GLMN: variants seen among roughly 807,000 people sequenced by gnomAD.
GLMN encodes glomulin.
Under a neutral mutation model 87.8 loss-of-function variants are expected in GLMN, and 75 were observed. The observed-to-expected ratio is 0.85, with a 90% confidence interval of 0.71 to 1.04. The LOEUF (loss-of-function observed/expected upper bound fraction) is 1.04. Among genes scored for constraint, GLMN ranks in the 50% least tolerant of loss-of-function variants. The probability of loss-of-function intolerance (pLI) is 0.00; values close to 1 mark genes in which losing one functional copy is unlikely to be tolerated. For synonymous variants in GLMN, 206 were observed against 221.6 expected (o/e 0.93, Z 0.63); for missense variants, 588 against 658.8 (o/e 0.89, Z 1.18).
At chr1:92,315,589 C>T in the GLMN span, among the ~76,000 whole-genome samples, 1 of 152,172 alleles carries the variant, frequency 6.6e-6, no homozygotes, top group Non-Finnish European at 1.5e-5. Context: ...TTTTATAATA[C>T]CAAAACCAAA....
intron 16 of GLMN, 43 bp from the exon 17 acceptor site, chr1:92,248,032 T>G: frequency 2.4e-6 from 2 of 825,484 alleles, no homozygotes; most frequent in Non-Finnish European, 2.1e-6. Context: ...CAACAATGAT[T>G]GATTGCCTAC....
upstream of GLMN, among the ~76,000 whole-genome samples, chr1:92,303,347 T>G (rs1189948255): frequency 6.6e-6 from 1 of 152,188 alleles, no homozygotes; most frequent in Non-Finnish European, 1.5e-5. Context: ...TATTTCTGTC[T>G]CTGTGAAAAC....
chr1:92,320,565 C>T, the GLMN span: 45 of 1,602,548 alleles, frequency 2.8e-5, no homozygotes, highest in African/African-American at 4.0e-4. Flanking sequence ...CCACCGCACC[C>T]GGCCTAATTT....
chr1:92,333,314 A>T, the GLMN span: 1 of 1,151,798 alleles, frequency 8.7e-7, no homozygotes, highest in Non-Finnish European at 1.3e-6. Context: ...TTGTGTTTTA[A>T]TGTTTATTGT....
the GLMN span, among the ~76,000 whole-genome samples, chr1:92,318,149 C>CT: frequency 1.9e-3 from 282 of 152,296 alleles, no homozygotes; most frequent in African/African-American, 6.4e-3. Context: ...ATTGTAGATT[C>CT]TTTCTCCCTT....
intron 16 of GLMN, among the ~76,000 whole-genome samples, chr1:92,259,426 A>G (rs1485383077): frequency 6.6e-6 from 1 of 152,152 alleles, no homozygotes; most frequent in East Asian, 1.9e-4. Flanking sequence ...AGAGGCATGA[A>G]ATAGTAGGGT....
the GLMN span, among the ~76,000 whole-genome samples, chr1:92,336,021 T>G: frequency 6.6e-6 from 1 of 152,214 alleles, no homozygotes; most frequent in African/African-American, 2.4e-5. Flanking sequence ...TGGACCATTT[T>G]GGGGGCAGTT....
At chr1:92,268,405 A>G (rs1414378190) in intron 9 of GLMN, among the ~76,000 whole-genome samples, 1 of 152,254 alleles carries the variant, frequency 6.6e-6, no homozygotes, top group Non-Finnish European at 1.5e-5. Context: ...AGCAAGTGCT[A>G]AGAAACTAAC....
At chr1:92,282,676 A>G (rs1648220465) in intron 7 of GLMN, among the ~76,000 whole-genome samples, 2 of 152,208 alleles carry the variant, frequency 1.3e-5, no homozygotes, top group African/African-American at 4.8e-5. Flanking sequence ...AAAAAAATCA[A>G]TGAATCCAGG....
the GLMN span, among the ~76,000 whole-genome samples, chr1:92,307,531 T>G: frequency 6.6e-6 from 1 of 152,212 alleles, no homozygotes; most frequent in Non-Finnish European, 1.5e-5. Flanking sequence ...TCCAGTGTCC[T>G]GTGATGCTAG....
chr1:92,304,098 A>G, the GLMN span: 8 of 1,503,262 alleles, frequency 5.3e-6, no homozygotes, highest in Non-Finnish European at 7.3e-6. Flanking sequence ...TTTTTTTTAA[A>G]ATATAGGCTT....
chr1:92,353,490 A>G, the GLMN span, among the ~76,000 whole-genome samples: 1 of 152,240 alleles, frequency 6.6e-6, no homozygotes, highest in African/African-American at 2.4e-5. Context: ...AATTTCTACT[A>G]TACACGCAAA....
chr1:92,342,675 G>C, the GLMN span, among the ~76,000 whole-genome samples: 2 of 152,210 alleles, frequency 1.3e-5, no homozygotes, highest in Non-Finnish European at 1.5e-5. Flanking sequence ...TGTGACTGAA[G>C]AGAAAGCAGT....
chr1:92,346,037 C>T, the GLMN span: 3 of 575,406 alleles, frequency 5.2e-6, no homozygotes, highest in South Asian at 8.6e-5. Context: ...TATTTTGTGC[C>T]TTATTTTCCT....
chr1:92,272,850 C>G (rs1038327092), intron 7 of GLMN, among the ~76,000 whole-genome samples: 1 of 152,212 alleles, frequency 6.6e-6, no homozygotes, highest in Non-Finnish European at 1.5e-5. Context: ...CAGAAAGCAC[C>G]TACCTTCAGA....
At chr1:92,260,331 G>A (rs1003796572) in intron 16 of GLMN, among the ~76,000 whole-genome samples, 2 of 152,066 alleles carry the variant, frequency 1.3e-5, no homozygotes, top group Non-Finnish European at 1.5e-5. Context: ...AGAGATGCCT[G>A]TTGGCTGGGT....
intron 16 of GLMN, among the ~76,000 whole-genome samples, chr1:92,254,596 A>G (rs1038435677): frequency 6.6e-6 from 1 of 152,200 alleles, no homozygotes; most frequent in Non-Finnish European, 1.5e-5. Context: ...AAGCCAGAAG[A>G]CAGTGGGGGC....
chr1:92,332,559 G>T, the GLMN span, among the ~76,000 whole-genome samples: 2 of 152,184 alleles, frequency 1.3e-5, no homozygotes, highest in East Asian at 3.9e-4. Context: ...CTCTAGAATA[G>T]ATTTATATTT....
At chr1:92,263,567 A>T (rs1199102372) in intron 15 of GLMN, 56 bp downstream of exon 15, 1 of 822,088 alleles carries the variant, frequency 1.2e-6, no homozygotes, top group African/African-American at 1.7e-5. Context: ...CCCTAAGCAG[A>T]TGTTTCACAT....
Sources: gnomAD v4.1 joint callset for allele counts (sites outside exome capture counted in the v4.1 genomes callset) on GRCh38, gnomAD v4.1.1 for gene constraint, MANE v1.5 for transcripts, NCBI Gene and HGNC (gene_info 2026-07-23, HGNC 2026-07-21) for gene names.